CLASP2: variants seen among roughly 807,000 people sequenced by gnomAD.
The protein encoded by CLASP2 is cytoplasmic linker associated protein 2.
CLASP2 carries 47 observed loss-of-function variants against 194.4 expected under a neutral mutation model. That is an observed-to-expected ratio of 0.24 (90% CI 0.19 to 0.31). CLASP2 has a LOEUF of 0.31. CLASP2 is among the 10% of genes least tolerant of loss of function. CLASP2 has a pLI of 1.00. For synonymous variants in CLASP2, 619 were observed against 633.5 expected, an observed-to-expected ratio of 0.98 and a Z score of 0.34; for missense variants, 1,445 against 1,823.6, an observed-to-expected ratio of 0.79 and a Z score of 3.78.
intron 32 of CLASP2, among the ~76,000 whole-genome samples, chr3:33,540,959 G>A (rs2058253483): frequency 6.6e-6 from 1 of 152,044 alleles, no homozygotes; most frequent in Non-Finnish European, 1.5e-5. Flanking sequence ...TATTAGTAGA[G>A]ATGGGGTTTT....
intron 21 of CLASP2, among the ~76,000 whole-genome samples, chr3:33,586,605 A>G (rs1348384193): frequency 6.6e-6 from 1 of 152,206 alleles, no homozygotes; most frequent in African/African-American, 2.4e-5. Context: ...CTCCCTGTCA[A>G]TCAAAGCACT....
At position 33,498,116 on chromosome 3, in the gene CLASP2, C is replaced by G. The variant is rs1023555106; in HGVS notation, c.*515G>C. On this transcript the variant is annotated 3_prime_UTR_variant, in exon 39 of 39. Transcript: ENST00000682230. ...TGTATCACCATCACACAAACGGAGT[C>G]CAGCTGTAGTTCAAATTAGTCCTGC... 6.5e-6 allele frequency: 1 copy of G among 152,704 alleles called. No individual in the cohort carries two copies. Among genetic ancestry groups the G allele is most frequent in the Non-Finnish European group, 1.5e-5 (1 of 68,176 alleles). The allele number at this position is 152,704 out of a possible 1,614,324, so 9.5% of individuals were successfully genotyped here.
intron 6 of CLASP2, among the ~76,000 whole-genome samples, chr3:33,671,866 G>T (rs1056702113): frequency 2.0e-5 from 3 of 152,140 alleles, no homozygotes; most frequent in Non-Finnish European, 2.9e-5. Flanking sequence ...AGATCAAACT[G>T]CAAGGCGGCA....
chr3:33,671,472 C>T (rs571942757), intron 6 of CLASP2, among the ~76,000 whole-genome samples: 11 of 152,164 alleles, frequency 7.2e-5, no homozygotes, highest in Admixed American at 1.3e-4. Context: ...CCAAGATGGC[C>T]GAATAGGAAC....
intron 1 of CLASP2, among the ~76,000 whole-genome samples, chr3:33,698,928 G>C (rs2092167803): frequency 1.3e-5 from 2 of 152,154 alleles, no homozygotes; most frequent in South Asian, 2.1e-4. Context: ...GGAATTATCA[G>C]ACCATTTAAA....
At chr3:33,608,997 A>G (rs1175788926) in intron 13 of CLASP2, among the ~76,000 whole-genome samples, 1 of 152,058 alleles carries the variant, frequency 6.6e-6, no homozygotes, top group Non-Finnish European at 1.5e-5. Flanking sequence ...ATAAACCTTA[A>G]GGCTGGGCGT....
intron 26 of CLASP2, among the ~76,000 whole-genome samples, chr3:33,568,454 T>A (rs889343718): frequency 6.2e-5 from 9 of 145,368 alleles, no homozygotes; most frequent in Non-Finnish European, 1.2e-4. Context: ...CTTGGAAGGC[T>A]GAGGCATGAG....
At chr3:33,646,732 T>G (rs998588995) in intron 7 of CLASP2, among the ~76,000 whole-genome samples, 6 of 152,122 alleles carry the variant, frequency 3.9e-5, no homozygotes, top group African/African-American at 1.4e-4. Flanking sequence ...TTTATCAAAA[T>G]ACAGCAAAGT....
intron 8 of CLASP2, among the ~76,000 whole-genome samples, chr3:33,635,954 A>G (rs1299025809): frequency 6.6e-6 from 1 of 152,200 alleles, no homozygotes; most frequent in Non-Finnish European, 1.5e-5. Context: ...AAGACAAGCA[A>G]TGTTAACTAC....
intron 31 of CLASP2, among the ~76,000 whole-genome samples, chr3:33,543,784 A>G (rs893190662): frequency 3.3e-5 from 5 of 152,020 alleles, no homozygotes; most frequent in Non-Finnish European, 5.9e-5. Context: ...TATCAACATC[A>G]TTTCCCTCAA....
At chr3:33,566,544 GATTA>G (rs958740639) in intron 27 of CLASP2, among the ~76,000 whole-genome samples, 184 bp downstream of exon 27, 2 of 152,156 alleles carry the variant, frequency 1.3e-5, no homozygotes, top group African/African-American at 4.8e-5. Context: ...AATCAAATTA[GATTA>G]ATTAGTAGAT....
intron 30 of CLASP2, among the ~76,000 whole-genome samples, chr3:33,546,664 AT>A (rs1389623550): frequency 1.3e-5 from 2 of 152,128 alleles, no homozygotes; most frequent in African/African-American, 4.8e-5. Flanking sequence ...TTTTCTAGTG[AT>A]TTCTTACAAT....
At chr3:33,574,481 G>A (rs767694745) in intron 24 of CLASP2, 12 of 1,506,840 alleles carry the variant, frequency 8.0e-6, no homozygotes, top group African/African-American at 2.8e-5. Context: ...ACCTTAGTCC[G>A]TATGTCTCCT....
At chr3:33,514,745 G>A in intron 36 of CLASP2, 2 of 252,104 alleles carry the variant, frequency 7.9e-6, no homozygotes, top group Middle Eastern at 6.3e-4. Context: ...CAGCACAATT[G>A]GCAATTGCAA....
At chr3:33,668,764 G>A (rs1198983347) in intron 6 of CLASP2, among the ~76,000 whole-genome samples, 2 of 152,092 alleles carry the variant, frequency 1.3e-5, no homozygotes, top group Non-Finnish European at 2.9e-5. Context: ...CATCACCAAG[G>A]AGAATGACAC....
intron 21 of CLASP2, among the ~76,000 whole-genome samples, chr3:33,587,011 T>A (rs193202790): frequency 6.6e-6 from 1 of 152,204 alleles, no homozygotes; most frequent in Non-Finnish European, 1.5e-5. Flanking sequence ...TTGGGATTTT[T>A]CAAAAATGAA....
intron 7 of CLASP2, among the ~76,000 whole-genome samples, chr3:33,663,197 C>CAAA (rs60671856): frequency 4.4e-4 from 44 of 100,764 alleles, no homozygotes; most frequent in East Asian, 1.7e-3. Context: ...GCAGTATCAC[C>CAAA]AAAAAAAAAA....
chr3:33,531,298 T>C (rs2056228678), intron 34 of CLASP2, among the ~76,000 whole-genome samples: 1 of 152,066 alleles, frequency 6.6e-6, no homozygotes, highest in Non-Finnish European at 1.5e-5. Flanking sequence ...AAATCATATA[T>C]CTGACAAGAT....
In CLASP2 at chr3:33,538,946, T is replaced by A. The variant is rs772999254; in HGVS notation, c.3405-4A>T. The A allele has an allele frequency of 1.3e-6, 2 of 1,552,076 alleles. No homozygotes were observed. The highest frequency in any genetic ancestry group is 1.7e-6 in the Non-Finnish European group (2 of 1,152,064). Reference sequence around the variant, plus strand: ...TTCTGTGTCATAATCAAATGCACTATGAAAAAGACGACACTAATTTTTACT... The same window carrying A: ...TTCTGTGTCATAATCAAATGCACTAAGAAAAAGACGACACTAATTTTTACT... On this transcript the variant is annotated splice_polypyrimidine_tract_variant and splice_region_variant and intron_variant, in intron 32 of 38. Transcript: ENST00000682230.
Sources: allele counts gnomAD v4.1 joint callset (sites outside exome capture counted in the v4.1 genomes callset), GRCh38; gene constraint gnomAD v4.1.1; transcripts MANE v1.5; gene names NCBI Gene and HGNC (gene_info 2026-07-23, HGNC 2026-07-21).